NCAM2: variants seen among roughly 807,000 people sequenced by gnomAD.
NCAM2 encodes the protein N-CAM-2.
A neutral mutation model predicts 98.1 loss-of-function variants in NCAM2; 30 were observed. The ratio of observed to expected loss-of-function variants is 0.31; its 90% CI spans 0.23 to 0.41. The LOEUF (loss-of-function observed/expected upper bound fraction) is 0.41. NCAM2 is among the 10% of genes least tolerant of loss of function. The probability of loss-of-function intolerance (pLI) is 1.00; values close to 1 mark genes in which losing one functional copy is unlikely to be tolerated. For missense variants in NCAM2, 867 were observed against 1,005.8 expected (o/e 0.86, Z 1.87); for synonymous variants, 368 against 342.4 (o/e 1.07, Z -0.83).
rs1032109841 is a variant in NCAM2 at position 21,210,724 on chromosome 21, A to C, written c.56-69854A>C. 13 of 1,047,224 alleles carry C rather than the reference A, an allele frequency of 1.2e-5. No individual in the cohort carries two copies. In the African/African-American group the frequency reaches 2.2e-4, roughly 18 times the overall value. The allele number at this position is 1,047,224 out of a possible 1,614,324, so 64.9% of individuals were successfully genotyped here. The stretch of plus-strand genomic sequence containing the variant: ...GGACCATTGCCCAGGGCTGTAATCT[A>C]TAAGGAATGTCAAAATGTCATTGAA... On this transcript the variant is annotated intron_variant, in intron 1 of 17. Coordinates refer to ENST00000400546, the MANE Select transcript of NCAM2 (RefSeq NM_004540.5).
intron 14 of NCAM2, among the ~76,000 whole-genome samples, chr21:21,469,436 T>TC (rs1281139004): frequency 1.3e-5 from 2 of 151,988 alleles, no homozygotes; most frequent in Non-Finnish European, 2.9e-5. Flanking sequence ...AATAATTTCT[T>TC]CAACATTTTT....
chr21:21,414,076 G>A (rs940991550), intron 10 of NCAM2, among the ~76,000 whole-genome samples: 1 of 152,160 alleles, frequency 6.6e-6, no homozygotes, highest in Non-Finnish European at 1.5e-5. Flanking sequence ...TTCAGCAGGA[G>A]TAAATTCTAC....
At chr21:21,080,316 C>T (rs529372032) in intron 1 of NCAM2, among the ~76,000 whole-genome samples, 10 of 152,128 alleles carry the variant, frequency 6.6e-5, no homozygotes, top group Non-Finnish European at 1.3e-4. Context: ...TTCGCCTTTA[C>T]CCCAATTAAA....
intron 5 of NCAM2, among the ~76,000 whole-genome samples, chr21:21,293,211 T>C (rs2073357236): frequency 1.3e-5 from 2 of 151,898 alleles, no homozygotes; most frequent in African/African-American, 4.8e-5. Context: ...TGAAGACATA[T>C]CCATTGTATA....
rs537705438 is a variant in NCAM2, at chr21:21,318,715, T to C, written c.620-5668T>C. 3.0e-4 allele frequency among the ~76,000 whole-genome samples: 45 copies of C among 152,324 alleles called. 1 individual carries two copies. The South Asian group carries it at 6.8e-3, about 23-fold the overall frequency. ...TGAATTTCAATTATGGTTAATTAAA[T>C]ATAGAATTTATTATGTAAACAAATG... On this transcript the variant is annotated intron_variant, in intron 5 of 17. Transcript: ENST00000400546.
At chr21:21,163,978 A>G (rs184840783) in intron 1 of NCAM2, among the ~76,000 whole-genome samples, 5 of 152,260 alleles carry the variant, frequency 3.3e-5, no homozygotes, top group African/African-American at 1.2e-4. Context: ...GACCAATGCA[A>G]TGGATGAGAA....
intron 9 of NCAM2, among the ~76,000 whole-genome samples, chr21:21,397,731 A>G (rs979939907): frequency 1.3e-5 from 2 of 152,218 alleles, no homozygotes; most frequent in Non-Finnish European, 2.9e-5. Context: ...CCTACTCGGT[A>G]GGAGGCAGGG....
chr21:21,342,565 A>C (rs2147895560), intron 8 of NCAM2, among the ~76,000 whole-genome samples: 1 of 152,278 alleles, frequency 6.6e-6, no homozygotes, highest in East Asian at 1.9e-4. Flanking sequence ...GGCTTTCTCC[A>C]CAGAGAACAT....
intron 12 of NCAM2, among the ~76,000 whole-genome samples, chr21:21,441,731 G>A (rs1002330674): frequency 6.6e-6 from 1 of 150,910 alleles, no homozygotes; most frequent in Admixed American, 6.6e-5. Flanking sequence ...AGATGAACGT[G>A]GTATCCTGGA....
chr21:21,519,407 G>A (rs1988889618), intron 16 of NCAM2, among the ~76,000 whole-genome samples: 1 of 152,042 alleles, frequency 6.6e-6, no homozygotes, highest in South Asian at 2.1e-4. Context: ...ATATAAGAGT[G>A]AGTATATTTC....
At chr21:21,419,533 C>G (rs1196559864) in intron 11 of NCAM2, among the ~76,000 whole-genome samples, 1 of 130,666 alleles carries the variant, frequency 7.7e-6, no homozygotes, top group Non-Finnish European at 1.6e-5. Context: ...ACAATAGTCC[C>G]TGGAGTGTGA....
intron 1 of NCAM2, among the ~76,000 whole-genome samples, chr21:21,280,172 G>A (rs1016073349): frequency 3.2e-4 from 4 of 12,384 alleles, no homozygotes; most frequent in South Asian, 8.8e-3. Flanking sequence ...TAATTTGCGT[G>A]TGTGTGTGTG....
chr21:21,542,542 T>C lies in NCAM2; in HGVS notation c.*4585T>C, dbSNP rs2146449926. The C allele has an allele frequency of 6.6e-6, 1 of 151,942 alleles. No homozygotes were observed. The highest frequency in any genetic ancestry group is 1.9e-4 in the East Asian group (1 of 5,176). The allele number at this position is 151,942 out of a possible 1,614,324, so 9.4% of individuals were successfully genotyped here. A position where few individuals can be genotyped will look rare whatever the true frequency, so the allele number is the denominator to read the frequency against. On this transcript the variant is annotated 3_prime_UTR_variant, in exon 18 of 18. Transcript: ENST00000400546. The stretch of plus-strand genomic sequence containing the variant: ...TACTTATTTTTTTTCTTTTCTGAAA[T>C]GAAAACATGAATCTTTTGGCATCTG...
intron 5 of NCAM2, among the ~76,000 whole-genome samples, chr21:21,307,808 C>A (rs75406465): frequency 0.027 from 4,141 of 152,240 alleles, 156 homozygotes; most frequent in East Asian, 0.16. Context: ...TCTGCTGCAT[C>A]TCTTCTGCCT....
chr21:21,424,449 G>A (rs1378334884), intron 11 of NCAM2, among the ~76,000 whole-genome samples: 1 of 152,104 alleles, frequency 6.6e-6, no homozygotes, highest in Non-Finnish European at 1.5e-5. Context: ...AGGTTTGGGA[G>A]AACAAAAATG....
intron 5 of NCAM2, among the ~76,000 whole-genome samples, chr21:21,298,033 C>T (rs1601901637): frequency 6.6e-6 from 1 of 151,572 alleles, no homozygotes; most frequent in Admixed American, 6.6e-5. Context: ...CAGAGATGTC[C>T]GTACAAATGA....
chr21:21,258,363 T>C (rs1205760692), intron 1 of NCAM2, among the ~76,000 whole-genome samples: 1 of 151,958 alleles, frequency 6.6e-6, no homozygotes, highest in Non-Finnish European at 1.5e-5. Flanking sequence ...ATTTTCCTAA[T>C]GGAAAACTAA....
At chr21:21,084,901 A>G (rs1354030656) in intron 1 of NCAM2, among the ~76,000 whole-genome samples, 2 of 152,158 alleles carry the variant, frequency 1.3e-5, no homozygotes, top group Non-Finnish European at 2.9e-5. Context: ...AGTCTTGCTC[A>G]TGTTAAATAA....
intron 1 of NCAM2, among the ~76,000 whole-genome samples, chr21:21,115,535 C>A (rs1434657320): frequency 6.6e-6 from 1 of 152,138 alleles, no homozygotes; most frequent in African/African-American, 2.4e-5. Flanking sequence ...TTTGGAAATG[C>A]AGCTTTCAAA....
Sources: gnomAD v4.1 joint callset for allele counts (sites outside exome capture counted in the v4.1 genomes callset) on GRCh38, gnomAD v4.1.1 for gene constraint, MANE v1.5 for transcripts, NCBI Gene and HGNC (gene_info 2026-07-23, HGNC 2026-07-21) for gene names.